The following KMT2A variants were observed in gnomAD, a reference collection of about 807,000 sequenced individuals.
KMT2A encodes histone-lysine N-methyltransferase 2A.
A neutral mutation model predicts 345.3 loss-of-function variants in KMT2A; 16 were observed. The observed-to-expected ratio is 0.05, with a 90% CI of 0.03 to 0.07. KMT2A has a LOEUF of 0.07. Among genes scored for constraint, KMT2A ranks in the 10% least tolerant of loss-of-function variants. The pLI, the probability that KMT2A is intolerant of heterozygous loss-of-function variation, is 1.00. For missense variants in KMT2A, 3,272 were observed against 4,841.6 expected (o/e 0.68, Z 9.62); for synonymous variants, 1,599 against 1,778.6 (o/e 0.90, Z 2.54).
intron 1 of KMT2A, among the ~76,000 whole-genome samples, chr11:118,459,761 C>T (rs1591361918): frequency 1.3e-5 from 2 of 151,860 alleles, no homozygotes; most frequent in East Asian, 3.9e-4. Flanking sequence ...TCTACCCGGC[C>T]CTCCCAACCC....
In KMT2A at chr11:118,468,764, C is replaced by A; in HGVS notation, c.433-11C>A. The A allele has an allele frequency of 6.2e-7, 1 of 1,609,152 alleles. No homozygotes were observed. The highest frequency in any genetic ancestry group is 8.5e-7 in the Non-Finnish European group (1 of 1,176,214). ...TGCTTCTGATTTTAAAATAATTTTC[C>A]TTTGTTGTAGGATGAGCAATTCTTA... On this transcript the variant is annotated splice_polypyrimidine_tract_variant and intron_variant, in intron 1 of 35. Transcript: ENST00000534358.
chr11:118,481,735 A>C lies in KMT2A; in HGVS notation c.3655A>C (p.Lys1219Gln). 6.2e-7 allele frequency: 1 copy of C among 1,609,532 alleles called. No individual in the cohort carries two copies. The highest frequency in any genetic ancestry group is 8.5e-7 in the Non-Finnish European group (1 of 1,178,460). ...CTCAGCTGTGAAAAAGAAAGAGAAA[A>C]AGTCTAAGACCAGTGAAAAGAAAGA... ...QAKAVKKKEKKSKTSEKKDSK... is the reference protein window; with the variant it reads ...QAKAVKKKEKQSKTSEKKDSK... The change falls in exon 7 of 36, where the codon AAG becomes CAG. Residue 1219 changes from lysine to glutamine, a missense_variant. Physicochemically the swap from Lys to Gln is moderately conservative, Grantham distance 53. This residue lies in a region of KMT2A where 168 missense variants were observed against 216.0 expected (regional missense o/e 0.78). Transcript: ENST00000534358.
intron 1 of KMT2A, among the ~76,000 whole-genome samples, chr11:118,465,414 A>C (rs1949825584): frequency 6.6e-6 from 1 of 152,172 alleles, no homozygotes; most frequent in Non-Finnish European, 1.5e-5. Context: ...TTGAGAAATA[A>C]AATTTATATT....
At position 118,525,201 on chromosome 11, in the gene KMT2A, T is replaced by G. The variant is rs1591316885; in HGVS notation, c.*3029T>G. The stretch of plus-strand genomic sequence containing the variant: ...GTGCAGATTGAGGAATTGTGATGGG[T>G]CATTCCCAAGAATCCCCCAAGGGGC... On this transcript the variant is annotated 3_prime_UTR_variant, in exon 36 of 36. Transcript: ENST00000534358. 4.3e-6 allele frequency: 1 copy of G among 231,476 alleles called. No homozygotes were observed. Among genetic ancestry groups the G allele is most frequent in the Admixed American group, 5.6e-5 (1 of 17,706 alleles). 14.3% of individuals were successfully genotyped at this position (231,476 alleles called of 1,614,324 possible).
intron 1 of KMT2A, among the ~76,000 whole-genome samples, chr11:118,467,004 A>G (rs1358501915): frequency 6.6e-6 from 1 of 152,004 alleles, no homozygotes; most frequent in Non-Finnish European, 1.5e-5. Flanking sequence ...GACCAGCCTG[A>G]GCAAAATATG....
rs1555036089 is a variant in KMT2A at position 118,472,769 on chromosome 11, G to C, written c.1610G>C (p.Ser537Thr). Residue 537 changes from serine to threonine, a missense_variant, in exon 3 of 36, where the codon AGT becomes ACT. Transcript: ENST00000534358. ...AGAAGGTATTCAGTGTCGGAGAGAA[G>C]TTTTGGATCTAGAACGACGAAAAAA... ...RSRRYSVSER[S>T]FGSRTTKKLS... 1 of 1,613,754 alleles carries C rather than the reference G, an allele frequency of 6.2e-7. No homozygotes were observed.
In KMT2A at chr11:118,506,293, G is replaced by T. The variant is rs782369249; in HGVS notation, c.10401G>T (p.Gly3467=). The change falls in exon 27 of 36, where the codon GGG becomes GGT. Residue 3467 remains glycine (G), a synonymous_variant. Coordinates refer to ENST00000534358, the MANE Select transcript of KMT2A (RefSeq NM_001197104.2). ...HVNQLLASKT[G]IHSSQRDLDS... is the part of the protein sequence containing the mutation. ...ACCAGCTCCTTGCCAGCAAAACTGGGATTCATTCTTCCCAGCGTGATCTTG... is the reference window on the plus strand; with the variant it reads ...ACCAGCTCCTTGCCAGCAAAACTGGTATTCATTCTTCCCAGCGTGATCTTG... 9.3e-6 allele frequency: 15 copies of T among 1,614,030 alleles called. No individual in the cohort carries two copies. Among genetic ancestry groups the T allele is most frequent in the Admixed American group, 5.0e-5 (3 of 60,006 alleles).
In KMT2A at chr11:118,503,565, C is replaced by T. The variant is rs1950535869; in HGVS notation, c.7673C>T (p.Pro2558Leu). The T allele has an allele frequency of 2.5e-6, 4 of 1,613,980 alleles. No homozygotes were observed. The highest frequency in any genetic ancestry group is 3.4e-6 in the Non-Finnish European group (4 of 1,180,002). ...ASPLQIESTSPTEPISASENP... is the reference protein window; with the variant it reads ...ASPLQIESTSLTEPISASENP... ...CCTTTGCAAATAGAGTCAACATCTC[C>T]CACAGAACCAATTTCAGCCTCTGAA... The change falls in exon 27 of 36, where the codon CCC (proline) becomes CTC (leucine). Residue 2558 changes from proline to leucine, a missense_variant. Physicochemically the swap from Pro to Leu is moderately conservative, Grantham distance 98. This residue lies in a region of KMT2A where 445 missense variants were observed against 500.9 expected (regional missense o/e 0.89). Transcript: ENST00000534358. This position sits in a 1 kb window ranked among gnomAD's most constrained non-coding sequence, Gnocchi z 5.3.
In KMT2A at chr11:118,510,445, C is replaced by G. The variant is rs544808283; in HGVS notation, c.11071+327C>G. On this transcript the variant is annotated intron_variant, in intron 30 of 35. Transcript: ENST00000534358. The surrounding 1 kb of genome is among the most constrained non-coding windows in gnomAD (Gnocchi z 4.1). ...GTGCCCTTCTCTCTCCCTTGTGTGC[C>G]TTCACACGTGCTTTCTCCTCTGCCT... Among the ~76,000 whole-genome samples the G allele has an allele frequency of 6.6e-6, 1 of 152,214 alleles. No individual in the cohort carries two copies. Among genetic ancestry groups the G allele is most frequent in the African/African-American group, 2.4e-5 (1 of 41,518 alleles).
rs781871965 is a variant in KMT2A, at chr11:118,503,319, A to G, written c.7427A>G (p.Tyr2476Cys). Residue 2476 changes from tyrosine to cysteine, a missense_variant, in exon 27 of 36, where the codon TAT becomes TGT. Physicochemically the swap from Tyr to Cys is radical, Grantham distance 194. Coordinates refer to ENST00000534358, the MANE Select transcript of KMT2A (RefSeq NM_001197104.2). The surrounding 1 kb of genome is among the most constrained non-coding windows in gnomAD (Gnocchi z 5.3). ...EFMDEVLTPE[Y>C]MGQRPCNNVS... is the part of the protein sequence containing the mutation. ...ATGGATGAGGTTTTGACTCCTGAGT[A>G]TATGGGCCAACGACCATGTAACAAT... The G allele has an allele frequency of 8.1e-6, 13 of 1,614,038 alleles. No homozygotes were observed. In the East Asian group the frequency reaches 1.6e-4, roughly 19 times the overall value.
In KMT2A at chr11:118,436,971, C is replaced by T. The variant is rs1555138839; in HGVS notation, c.432+27C>T. The T allele has an allele frequency of 7.0e-7, 1 of 1,427,266 alleles. No individual in the cohort carries two copies. Among genetic ancestry groups the T allele is most frequent in the South Asian group, 1.5e-5 (1 of 68,692 alleles). The allele number at this position is 1,427,266 out of a possible 1,614,324, so 88.4% of individuals were successfully genotyped here. A position where few individuals can be genotyped will look rare whatever the true frequency, so the allele number is the denominator to read the frequency against. On this transcript the variant is annotated intron_variant, in intron 1 of 35. Coordinates refer to ENST00000534358, the MANE Select transcript of KMT2A (RefSeq NM_001197104.2). This position sits in a 1 kb window ranked among gnomAD's most constrained non-coding sequence, Gnocchi z 6.9. ...TAAGGGGGCGAGGAACCCCCAGGTC[C>T]GGGGTCTCGACCCTCTGCGGAGCCC...
At chr11:118,440,080 T>TG (rs1949281482) in intron 1 of KMT2A, among the ~76,000 whole-genome samples, 1 of 152,210 alleles carries the variant, frequency 6.6e-6, no homozygotes, top group Non-Finnish European at 1.5e-5. Flanking sequence ...CATGAAGAAA[T>TG]GGTTATATGA....
chr11:118,468,965 G>A, intron 2 of KMT2A, 121 bp downstream of exon 2: 1 of 603,344 alleles, frequency 1.7e-6, no homozygotes, highest in Non-Finnish European at 2.9e-6. Flanking sequence ...AATGGCTGAT[G>A]AGCTAGACTT....
chr11:118,438,642 G>GTAAAT, intron 1 of KMT2A, among the ~76,000 whole-genome samples: 1 of 152,190 alleles, frequency 6.6e-6, no homozygotes, highest in East Asian at 1.9e-4. Context: ...ATTGTGCCCC[G>GTAAAT]CACCCCTTTA....
In KMT2A at chr11:118,439,881, G is replaced by C. The variant is rs1949278366; in HGVS notation, c.432+2937G>C. ...ATGAGTTGATGGTATGCATTGAGTA[G>C]TGGTAAACCTCTGAGCTGGTAGTTT... On this transcript the variant is annotated intron_variant, in intron 1 of 35. Transcript: ENST00000534358. Among the ~76,000 whole-genome samples, 3 of 151,928 alleles carry C rather than the reference G, an allele frequency of 2.0e-5. No homozygotes were observed. The South Asian group carries it at 6.2e-4, about 32-fold the overall frequency.
At position 118,494,566 on chromosome 11, in the gene KMT2A, G is replaced by A. The variant is rs1210743827; in HGVS notation, c.5290-128G>A. The A allele has an allele frequency of 7.6e-6, 7 of 922,888 alleles. No individual in the cohort carries two copies. The highest frequency in any genetic ancestry group is 1.2e-5 in the Non-Finnish European group (7 of 596,812). The allele number at this position is 922,888 out of a possible 1,614,324, so 57.2% of individuals were successfully genotyped here. ...AGAGGAACTTGGTGAGGTTGCCAGAGTGGATGGATCTTTCTCTTGGTGGCC... is the reference window on the plus strand; with the variant it reads ...AGAGGAACTTGGTGAGGTTGCCAGAATGGATGGATCTTTCTCTTGGTGGCC... On this transcript the variant is annotated intron_variant, in intron 17 of 35. Coordinates refer to ENST00000534358, the MANE Select transcript of KMT2A (RefSeq NM_001197104.2). This position sits in a 1 kb window ranked among gnomAD's most constrained non-coding sequence, Gnocchi z 5.8.
intron 31 of KMT2A, among the ~76,000 whole-genome samples, chr11:118,519,093 A>AAAAAAAG (rs1950897943): frequency 6.6e-6 from 1 of 151,206 alleles, no homozygotes; most frequent in African/African-American, 2.4e-5. Context: ...AAAAAAAAAA[A>AAAAAAAG]AAAAAAGAAA....
At chr11:118,489,763 T>C (rs1470802952) in intron 11 of KMT2A, 29 bp from the exon 12 acceptor site, 13 of 1,591,612 alleles carry the variant, frequency 8.2e-6, no homozygotes, top group Non-Finnish European at 1.1e-5. Flanking sequence ...ATATGATGCT[T>C]ATCTTTTTGC....
At chr11:118,447,116 G>T (rs529766983) in intron 1 of KMT2A, among the ~76,000 whole-genome samples, 1 of 152,222 alleles carries the variant, frequency 6.6e-6, no homozygotes, top group Admixed American at 6.5e-5. Flanking sequence ...TTCACAGATT[G>T]TACTGCTAGT....
Sources: gnomAD v4.1 joint callset for allele counts (sites outside exome capture counted in the v4.1 genomes callset) on GRCh38, gnomAD v4.1.1 for gene constraint, gnomAD v4.1.1 regional missense constraint, Gnocchi (gnomAD v3.1) non-coding constraint, MANE v1.5 for transcripts, NCBI Gene and HGNC (gene_info 2026-07-23, HGNC 2026-07-21) for gene names.